Variants in LRCH3 observed in about 807,000 individuals in gnomAD.
LRCH3 encodes DISP complex protein LRCH3.
A neutral mutation model predicts 104.5 loss-of-function variants in LRCH3; 68 were observed. The ratio of observed to expected loss-of-function variants is 0.65; its 90% CI spans 0.54 to 0.80. The LOEUF (loss-of-function observed/expected upper bound fraction) is 0.80. Ranked by LOEUF, LRCH3 falls within the 30% of genes least tolerant of loss-of-function variation. The pLI is 0.00. For missense variants in LRCH3, 951 were observed against 953.9 expected (o/e 1.00, Z 0.04); for synonymous variants, 344 against 361.3 (o/e 0.95, Z 0.54).
At chr3:197,828,953 C>A (rs1351005258) in intron 5 of LRCH3, among the ~76,000 whole-genome samples, 1 of 152,058 alleles carries the variant, frequency 6.6e-6, no homozygotes, top group African/African-American at 2.4e-5. Context: ...AGGTGATCCA[C>A]CCACCTCAGA....
At chr3:197,848,830 G>T (rs1389895451) in intron 12 of LRCH3, among the ~76,000 whole-genome samples, 1 of 152,148 alleles carries the variant, frequency 6.6e-6, no homozygotes, top group Non-Finnish European at 1.5e-5. Flanking sequence ...AGTACGATGC[G>T]TATGTCTGTT....
At position 197,869,053 on chromosome 3, in the gene LRCH3, T is replaced by C. The variant is rs537218387; in HGVS notation, c.1874-1107T>C. On this transcript the variant is annotated intron_variant, in intron 17 of 20. Coordinates refer to ENST00000425562, the MANE Select transcript of LRCH3 (RefSeq NM_001365715.1). ...GTAATGAACATTACATATTTTTCTA[T>C]ACTATTCTCTGTTGTGTATATTTGA... is the stretch of plus-strand genomic sequence containing the variant. 7.2e-5 allele frequency among the ~76,000 whole-genome samples: 11 copies of C among 152,386 alleles called. No homozygotes were observed. The East Asian group carries it at 2.1e-3, about 29-fold the overall frequency.
chr3:197,821,062 G>C (rs2109221094), intron 4 of LRCH3, among the ~76,000 whole-genome samples: 1 of 152,294 alleles, frequency 6.6e-6, no homozygotes, highest in African/African-American at 2.4e-5. Context: ...GGAAATTTCA[G>C]TAAGCATGAC....
At chr3:197,794,372 G>A (rs546204697) in intron 1 of LRCH3, among the ~76,000 whole-genome samples, 4 of 152,308 alleles carry the variant, frequency 2.6e-5, no homozygotes, top group South Asian at 4.1e-4. Context: ...CAGAGGAGAC[G>A]GTATTAGCCA....
rs1449698324 is a variant in LRCH3, at chr3:197,810,827, A to T, written c.263-4081A>T. 6.6e-6 allele frequency among the ~76,000 whole-genome samples: 1 copy of T among 152,188 alleles called. No homozygotes were observed. Among genetic ancestry groups the T allele is most frequent in the African/African-American group, 2.4e-5 (1 of 41,456 alleles). On this transcript the variant is annotated intron_variant, in intron 1 of 20. Transcript: ENST00000425562. This position sits in a 1 kb window ranked among gnomAD's most constrained non-coding sequence, Gnocchi z 4.0. The stretch of plus-strand genomic sequence containing the variant: ...AAAGTTATATAAATATACTATTTTG[A>T]TAAAAATAAAAGTTAACAGTTTTTA...
chr3:197,871,804 G>A (rs1238412745), intron 19 of LRCH3, among the ~76,000 whole-genome samples: 1 of 152,174 alleles, frequency 6.6e-6, no homozygotes, highest in African/African-American at 2.4e-5. Flanking sequence ...GTACAGAGAG[G>A]GGAGGGGGCC....
Position 197,839,383 on chromosome 3 carries a change from T to A in LRCH3, c.1314T>A (p.Tyr438Ter). The change falls in exon 10 of 21, where the codon TAT (tyrosine) becomes TAA (stop). Residue 438 changes from tyrosine (Y) to a stop codon, truncating the protein, a stop_gained. Transcript: ENST00000425562. LOFTEE classifies it high-confidence loss of function. ...EFQKTEDMRR[Y>*]LHQNRVPAEP... ...AAAAAACAGAAGATATGAGAAGATATTTACATCAAAACAGGTTTGAAAAAC... is the reference window on the plus strand; with the variant it reads ...AAAAAACAGAAGATATGAGAAGATAATTACATCAAAACAGGTTTGAAAAAC... 1 of 1,584,986 alleles carries A rather than the reference T, an allele frequency of 6.3e-7. No individual in the cohort carries two copies. Among genetic ancestry groups the A allele is most frequent in the Non-Finnish European group, 8.6e-7 (1 of 1,167,090 alleles).
chr3:197,832,238 G>A lies in LRCH3; in HGVS notation c.1023G>A (p.Glu341=). 6 of 1,613,626 alleles carry A rather than the reference G, an allele frequency of 3.7e-6. No individual in the cohort carries two copies. The highest frequency in any genetic ancestry group is 1.6e-4 in the Middle Eastern group (1 of 6,062). Residue 341 remains glutamate, a synonymous_variant, in exon 8 of 21, where the codon GAG becomes GAA. Transcript: ENST00000425562. ...EFSDLPLRVA[E]ITKEQRLRRE... ...CAGATCTGCCTCTTCGAGTAGCAGA[G>A]ATTACTAAAGAACAAAGACTACGAA...
At chr3:197,848,288 A>G (rs1245375617) in intron 12 of LRCH3, 3 of 337,790 alleles carry the variant, frequency 8.9e-6, no homozygotes, top group African/African-American at 6.4e-5. Flanking sequence ...CATAGTAAAG[A>G]TCAGTAAGAT....
At chr3:197,811,987 TCTA>T (rs1299168362) in intron 1 of LRCH3, among the ~76,000 whole-genome samples, 2 of 152,268 alleles carry the variant, frequency 1.3e-5, no homozygotes, top group African/African-American at 2.4e-5. Context: ...ACATTTCTTT[TCTA>T]CTTTGAGTAC....
chr3:197,827,060 G>C, intron 5 of LRCH3, 46 bp downstream of exon 5: 1 of 1,601,460 alleles, frequency 6.2e-7, no homozygotes, highest in Non-Finnish European at 8.5e-7. Flanking sequence ...GGAAGCATCA[G>C]GTAAACCACG....
At chr3:197,882,530 AAAAAAC>A (rs1713866804) in intron 20 of LRCH3, 1 of 943,130 alleles carries the variant, frequency 1.1e-6, no homozygotes, top group African/African-American at 1.8e-5. Flanking sequence ...AACAAAAAAC[AAAAAAC>A]AAAAAAACCC....
At chr3:197,828,733 G>T (rs1735544797) in intron 5 of LRCH3, among the ~76,000 whole-genome samples, 3 of 100,232 alleles carry the variant, frequency 3.0e-5, no homozygotes, top group Non-Finnish European at 1.9e-5. Context: ...TTGAGATGAA[G>T]TTTTGCTCTT....
intron 8 of LRCH3, among the ~76,000 whole-genome samples, chr3:197,833,365 GAA>G (rs71166710): frequency 7.5e-4 from 25 of 33,334 alleles, no homozygotes; most frequent in African/African-American, 2.4e-3. Flanking sequence ...ACTAAAAACC[GAA>G]AAAAAAAAAA....
At chr3:197,812,724 GC>G (rs1733325651) in intron 1 of LRCH3, among the ~76,000 whole-genome samples, 1 of 151,872 alleles carries the variant, frequency 6.6e-6, no homozygotes, top group African/African-American at 2.4e-5. Flanking sequence ...ACCACGCCTG[GC>G]TAATTTTTGT....
intron 1 of LRCH3, among the ~76,000 whole-genome samples, chr3:197,803,882 T>C (rs1210946743): frequency 3.3e-5 from 5 of 152,194 alleles, no homozygotes; most frequent in Admixed American, 2.6e-4. Flanking sequence ...AGGGTCTCAG[T>C]AAGTAAATAA....
chr3:197,835,860 C>T lies in LRCH3; in HGVS notation c.1251+38C>T, dbSNP rs778940160. The T allele has an allele frequency of 4.4e-6, 7 of 1,597,628 alleles. No homozygotes were observed. In the East Asian group the frequency reaches 1.6e-4, roughly 36 times the overall value. On this transcript the variant is annotated intron_variant, in intron 9 of 20. Coordinates refer to ENST00000425562, the MANE Select transcript of LRCH3 (RefSeq NM_001365715.1). ...TTGAAGCCTAAATATGTTGCTATCC[C>T]TTCATAAAAATAATTCATAATAGTA... is the stretch of plus-strand genomic sequence containing the variant.
chr3:197,835,093 A>G (rs574237885), intron 8 of LRCH3, among the ~76,000 whole-genome samples: 28 of 152,314 alleles, frequency 1.8e-4, no homozygotes, highest in African/African-American at 2.4e-4. Context: ...GCAGTGAGCC[A>G]AGATTGCACC....
At position 197,792,736 on chromosome 3, in the gene LRCH3, CT is replaced by C. The variant is rs537036660; in HGVS notation, c.262+1197del. On this transcript the variant is annotated intron_variant, in intron 1 of 20. Coordinates refer to ENST00000425562, the MANE Select transcript of LRCH3 (RefSeq NM_001365715.1). ...ACACAATCTCTGCTCATTGCAACCT[CT>C]GCCTCCCAGGCTCAGGTGATCCTCC... Among the ~76,000 whole-genome samples the C allele has an allele frequency of 6.8e-4, 101 of 148,120 alleles. 1 individual carries two copies. Among genetic ancestry groups the C allele is most frequent in the African/African-American group, 2.3e-3 (94 of 40,254 alleles).
Sources: allele counts gnomAD v4.1 joint callset (sites outside exome capture counted in the v4.1 genomes callset), GRCh38; gene constraint gnomAD v4.1.1; non-coding constraint Gnocchi (gnomAD v3.1); transcripts MANE v1.5; gene names NCBI Gene and HGNC (gene_info 2026-07-23, HGNC 2026-07-21).